AGBL4: variants seen among roughly 807,000 people sequenced by gnomAD.
The protein encoded by AGBL4 is cytosolic carboxypeptidase 6.
Under a neutral mutation model 66.4 loss-of-function variants are expected in AGBL4, and 58 were observed. The observed-to-expected ratio is 0.87, with a 90% confidence interval of 0.71 to 1.09. The LOEUF (loss-of-function observed/expected upper bound fraction) is 1.09, where lower values mean the gene tolerates loss of function less well. AGBL4 is among the 50% of genes least tolerant of loss of function. AGBL4 has a pLI of 0.00. For missense variants in AGBL4, 579 were observed against 631.0 expected, an observed-to-expected ratio of 0.92 and a Z score of 0.88; for synonymous variants, 234 against 222.9, an observed-to-expected ratio of 1.05 and a Z score of -0.44.
intron 3 of AGBL4, among the ~76,000 whole-genome samples, chr1:49,501,816 T>G (rs1385711578): frequency 3.3e-5 from 5 of 152,082 alleles, no homozygotes; most frequent in African/African-American, 1.2e-4. Flanking sequence ...TTTTCATTTT[T>G]ATTTGTCTCA....
At chr1:49,074,691 T>TA (rs1227436649) in intron 4 of AGBL4, among the ~76,000 whole-genome samples, 1 of 152,092 alleles carries the variant, frequency 6.6e-6, no homozygotes, top group African/African-American at 2.4e-5. Context: ...ATATTACTCC[T>TA]AAAAAAATAA....
At chr1:49,495,618 AAATAAC>A (rs1241164348) in intron 3 of AGBL4, among the ~76,000 whole-genome samples, 2 of 152,058 alleles carry the variant, frequency 1.3e-5, no homozygotes, top group South Asian at 2.1e-4. Flanking sequence ...AAATTTCCAG[AAATAAC>A]AATAACAATA....
chr1:49,125,144 T>C (rs967739696), intron 4 of AGBL4, among the ~76,000 whole-genome samples: 1 of 152,130 alleles, frequency 6.6e-6, no homozygotes, highest in South Asian at 2.1e-4. Context: ...TAATATTCAA[T>C]AGCAATAAAA....
At chr1:49,717,569 A>G (rs1253775704) in intron 2 of AGBL4, among the ~76,000 whole-genome samples, 2 of 151,972 alleles carry the variant, frequency 1.3e-5, no homozygotes, top group Non-Finnish European at 2.9e-5. Context: ...CCTTTCCTAC[A>G]TCCTGATTCC....
At chr1:49,641,480 G>T (rs572741844) in intron 3 of AGBL4, among the ~76,000 whole-genome samples, 1 of 152,090 alleles carries the variant, frequency 6.6e-6, no homozygotes, top group Non-Finnish European at 1.5e-5. Context: ...GCAACATTTC[G>T]TTCCACAATG....
intron 4 of AGBL4, among the ~76,000 whole-genome samples, chr1:49,108,041 C>T (rs1440458052): frequency 1.3e-5 from 2 of 152,168 alleles, no homozygotes; most frequent in African/African-American, 2.4e-5. Flanking sequence ...GGACAAGTGA[C>T]CTTGGCAAGT....
intron 3 of AGBL4, among the ~76,000 whole-genome samples, chr1:49,615,107 T>C (rs1380872837): frequency 6.6e-6 from 1 of 152,126 alleles, no homozygotes; most frequent in Non-Finnish European, 1.5e-5. Context: ...CCAAATCTTA[T>C]ACATCCTAAT....
intron 3 of AGBL4, among the ~76,000 whole-genome samples, chr1:49,636,955 G>C (rs938939823): frequency 2.0e-5 from 3 of 152,162 alleles, no homozygotes; most frequent in Non-Finnish European, 4.4e-5. Context: ...AGACCCACCC[G>C]TAATCTGGGT....
chr1:49,247,585 C>A (rs201735908), intron 3 of AGBL4, among the ~76,000 whole-genome samples: 1 of 151,902 alleles, frequency 6.6e-6, no homozygotes, highest in East Asian at 1.9e-4. Context: ...TAAGCCCCCC[C>A]TTTTTTTTCT....
intron 6 of AGBL4, among the ~76,000 whole-genome samples, chr1:48,751,792 C>T (rs1216384516): frequency 6.6e-6 from 1 of 152,190 alleles, no homozygotes; most frequent in African/African-American, 2.4e-5. Flanking sequence ...AGAAAAGGGA[C>T]AGCCTGGAGT....
intron 3 of AGBL4, among the ~76,000 whole-genome samples, chr1:49,342,547 T>A (rs1645561381): frequency 6.6e-6 from 1 of 152,170 alleles, no homozygotes; most frequent in Admixed American, 6.5e-5. Context: ...GGCAGGAATT[T>A]TGCAGTTCAT....
At chr1:48,809,764 T>C (rs1169647300) in intron 6 of AGBL4, among the ~76,000 whole-genome samples, 1 of 152,212 alleles carries the variant, frequency 6.6e-6, no homozygotes, top group Non-Finnish European at 1.5e-5. Context: ...TGAGGTAATT[T>C]CCAAAGACGG....
intron 6 of AGBL4, among the ~76,000 whole-genome samples, chr1:48,837,684 ACACG>A (rs1331595960): frequency 3.5e-5 from 4 of 113,054 alleles, no homozygotes; most frequent in South Asian, 3.2e-4. Flanking sequence ...ACACACACAC[ACACG>A]CACACACACG....
chr1:49,791,358 A>T (rs1193120804), intron 2 of AGBL4, among the ~76,000 whole-genome samples: 1 of 152,088 alleles, frequency 6.6e-6, no homozygotes, highest in Non-Finnish European at 1.5e-5. Context: ...TATGTTAGAC[A>T]CCTACTGTAA....
At chr1:49,819,078 TTAGAGA>T (rs1645301368) in intron 2 of AGBL4, among the ~76,000 whole-genome samples, 1 of 152,150 alleles carries the variant, frequency 6.6e-6, no homozygotes, top group Admixed American at 6.5e-5. Flanking sequence ...CTTAGGAGAA[TTAGAGA>T]TAAAGTATAT....
At chr1:49,080,001 G>C (rs1644780519) in intron 4 of AGBL4, among the ~76,000 whole-genome samples, 1 of 152,162 alleles carries the variant, frequency 6.6e-6, no homozygotes, top group Non-Finnish European at 1.5e-5. Context: ...TCTATTGTAT[G>C]CCAGTAACTG....
intron 2 of AGBL4, among the ~76,000 whole-genome samples, chr1:49,795,890 T>C (rs1358025872): frequency 1.3e-5 from 2 of 151,826 alleles, no homozygotes; most frequent in Admixed American, 1.3e-4. Flanking sequence ...TTTGGAAGGA[T>C]TAAACATAAA....
intron 3 of AGBL4, among the ~76,000 whole-genome samples, chr1:49,516,498 C>T (rs1649837444): frequency 6.6e-6 from 1 of 152,004 alleles, no homozygotes; most frequent in African/African-American, 2.4e-5. Context: ...TACAGCATTG[C>T]TGTGGGATAA....
chr1:49,264,581 T>A (rs956653233), intron 3 of AGBL4, among the ~76,000 whole-genome samples: 1 of 152,068 alleles, frequency 6.6e-6, no homozygotes, highest in African/African-American at 2.4e-5. Flanking sequence ...AGTCTCACTC[T>A]GTCACCCAGG....
Sources: gnomAD v4.1 joint callset for allele counts (sites outside exome capture counted in the v4.1 genomes callset) on GRCh38, gnomAD v4.1.1 for gene constraint, MANE v1.5 for transcripts, NCBI Gene and HGNC (gene_info 2026-07-23, HGNC 2026-07-21) for gene names.